DOCK8: variants seen among roughly 807,000 people sequenced by gnomAD.
DOCK8 encodes the protein dedicator of cytokinesis 8.
Under a neutral mutation model 245.6 loss-of-function variants are expected in DOCK8, and 141 were observed. The ratio of observed to expected loss-of-function variants is 0.57; its 90% confidence interval spans 0.50 to 0.66. DOCK8 has a LOEUF of 0.66. DOCK8 is among the 30% of genes least tolerant of loss of function. The pLI is 0.00. For synonymous variants in DOCK8, 1,168 were observed against 970.2 expected, an observed-to-expected ratio of 1.20 and a Z score of -3.79; for missense variants, 2,965 against 2,603.4, an observed-to-expected ratio of 1.14 and a Z score of -3.02.
intron 47 of DOCK8, among the ~76,000 whole-genome samples, chr9:463,895 T>G (rs1055827468): frequency 6.6e-6 from 1 of 152,172 alleles, no homozygotes; most frequent in African/African-American, 2.4e-5. Context: ...CCAGACACCT[T>G]GGTGTTGGTC....
At chr9:336,874 T>A (rs1187483329) in intron 12 of DOCK8, among the ~76,000 whole-genome samples, 156 bp downstream of exon 12, 2 of 152,158 alleles carry the variant, frequency 1.3e-5, no homozygotes, top group Non-Finnish European at 2.9e-5. Flanking sequence ...TATCTGAAAC[T>A]GGGTAATTTA....
chr9:382,482 T>G (rs1357213750), intron 21 of DOCK8, 31 bp from the exon 22 acceptor site: 1 of 1,612,828 alleles, frequency 6.2e-7, no homozygotes, highest in African/African-American at 1.3e-5. Flanking sequence ...TTCCCCTGTC[T>G]GTTGACATGT....
chr9:253,979 C>G (rs2047710794), intron 1 of DOCK8, among the ~76,000 whole-genome samples: 1 of 152,182 alleles, frequency 6.6e-6, no homozygotes, highest in Non-Finnish European at 1.5e-5. Flanking sequence ...TATTCTAAAA[C>G]TGTTGAAAGT....
intron 1 of DOCK8, among the ~76,000 whole-genome samples, chr9:257,412 G>A (rs1340917692): frequency 6.6e-6 from 1 of 152,168 alleles, no homozygotes; most frequent in Non-Finnish European, 1.5e-5. Context: ...AGGCTGGCAG[G>A]TAGAGCTGGA....
intron 4 of DOCK8, among the ~76,000 whole-genome samples, chr9:302,198 G>A (rs570341661): frequency 5.3e-5 from 8 of 152,146 alleles, no homozygotes; most frequent in Non-Finnish European, 1.2e-4. Flanking sequence ...AAAGCTGCAC[G>A]CCTACAGCCA....
At chr9:257,645 G>A (rs368433985) in intron 1 of DOCK8, among the ~76,000 whole-genome samples, 2 of 152,196 alleles carry the variant, frequency 1.3e-5, no homozygotes, top group African/African-American at 4.8e-5. Context: ...TCAGCCTCCT[G>A]AGTAGCTGGG....
chr9:421,033 C>T lies in DOCK8; in HGVS notation c.4108C>T (p.Arg1370Cys), dbSNP rs755537177. The T allele has an allele frequency of 2.5e-6, 4 of 1,614,152 alleles. No homozygotes were observed. Among genetic ancestry groups the T allele is most frequent in the Admixed American group, 3.3e-5 (2 of 60,024 alleles). Residue 1370 changes from arginine to cysteine, a missense_variant, in exon 32 of 48, where the codon CGT becomes TGT. Transcript: ENST00000432829. ...GGCCCGGCTGGAAGAGGCTTTGCTC[C>T]GTGGGGAAGGGGCCAGAGGGGAGAT... The part of the protein sequence containing the change: ...VKARLEEALL[R>C]GEGARGEMMR...
At chr9:223,019 A>G (rs747888384) in intron 1 of DOCK8, among the ~76,000 whole-genome samples, 1 of 152,156 alleles carries the variant, frequency 6.6e-6, no homozygotes, top group Non-Finnish European at 1.5e-5. Flanking sequence ...AATAGAGAGT[A>G]TGGACCTCTT....
At chr9:351,350 T>TCCTGAA (rs2052158411) in intron 14 of DOCK8, among the ~76,000 whole-genome samples, 1 of 152,176 alleles carries the variant, frequency 6.6e-6, no homozygotes, top group Non-Finnish European at 1.5e-5. Flanking sequence ...GACAGATAGT[T>TCCTGAA]GGTCACCATC....
chr9:355,092 T>C (rs2052357547), intron 14 of DOCK8, among the ~76,000 whole-genome samples: 1 of 151,716 alleles, frequency 6.6e-6, no homozygotes, highest in East Asian at 1.9e-4. Context: ...AATATGGGGG[T>C]AGGAGGGTGA....
intron 1 of DOCK8, among the ~76,000 whole-genome samples, chr9:218,924 C>T (rs549159203): frequency 4.7e-4 from 72 of 152,092 alleles, no homozygotes; most frequent in Non-Finnish European, 8.8e-4. Context: ...TGACTATCTC[C>T]GTTTTACAGA....
chr9:422,419 G>A (rs1181739946), intron 33 of DOCK8, among the ~76,000 whole-genome samples: 2 of 152,074 alleles, frequency 1.3e-5, no homozygotes, highest in Non-Finnish European at 2.9e-5. Context: ...TTGCAGGGAG[G>A]GTAGCAGGGA....
chr9:325,904 A>C (rs1250800140), intron 8 of DOCK8, among the ~76,000 whole-genome samples, 167 bp downstream of exon 8: 1 of 152,226 alleles, frequency 6.6e-6, no homozygotes, highest in Non-Finnish European at 1.5e-5. Context: ...CAGTGGTCTG[A>C]GAATGTAATT....
intron 26 of DOCK8, among the ~76,000 whole-genome samples, chr9:400,471 AC>A (rs564292770): frequency 6.4e-3 from 9 of 1,406 alleles, no homozygotes; most frequent in Admixed American, 0.027. Context: ...CATCACCACC[AC>A]CCACCTCCTT....
intron 28 of DOCK8, among the ~76,000 whole-genome samples, chr9:410,452 T>C (rs1181420875): frequency 6.6e-6 from 1 of 152,228 alleles, no homozygotes; most frequent in Non-Finnish European, 1.5e-5. Flanking sequence ...TTCTGTAAAT[T>C]GACATTTGGG....
chr9:441,149 C>A (rs2057081922), intron 40 of DOCK8, 137 bp from the exon 41 acceptor site: 10 of 1,302,814 alleles, frequency 7.7e-6, no homozygotes, highest in Non-Finnish European at 1.1e-5. Context: ...CTCAGATACC[C>A]CTTCTTGCCC....
At chr9:354,845 A>C (rs1478202975) in intron 14 of DOCK8, among the ~76,000 whole-genome samples, 2 of 152,202 alleles carry the variant, frequency 1.3e-5, no homozygotes, top group Non-Finnish European at 2.9e-5. Context: ...AGCAAGACAG[A>C]GGCCAGGGTC....
At chr9:393,587 AT>A (rs1327407202) in intron 24 of DOCK8, among the ~76,000 whole-genome samples, 1 of 152,200 alleles carries the variant, frequency 6.6e-6, no homozygotes, top group African/African-American at 2.4e-5. Context: ...GGCCTTGCAC[AT>A]TTATTTACTA....
chr9:370,362 C>G, intron 16 of DOCK8, 62 bp downstream of exon 16: 1 of 1,500,696 alleles, frequency 6.7e-7, no homozygotes, highest in Non-Finnish European at 9.3e-7. Flanking sequence ...CTGGTTTTTC[C>G]AAGTCCCGTG....
Sources: gnomAD v4.1 joint callset for allele counts (sites outside exome capture counted in the v4.1 genomes callset) on GRCh38, gnomAD v4.1.1 for gene constraint, MANE v1.5 for transcripts, NCBI Gene and HGNC (gene_info 2026-07-23, HGNC 2026-07-21) for gene names.